VPS13D: variants seen among roughly 807,000 people sequenced by gnomAD.
The protein encoded by VPS13D is intermembrane lipid transfer protein VPS13D.
Under a neutral mutation model 461.9 loss-of-function variants are expected in VPS13D, and 187 were observed. The ratio of observed to expected loss-of-function variants is 0.40; its 90% confidence interval spans 0.36 to 0.46. The LOEUF is 0.46. VPS13D is among the 20% of genes least tolerant of loss of function. The probability of loss-of-function intolerance (pLI) is 0.60; values close to 1 mark genes in which losing one functional copy is unlikely to be tolerated. For missense variants in VPS13D, 4,711 were observed against 5,364.9 expected, an observed-to-expected ratio of 0.88 and a Z score of 3.81; for synonymous variants, 1,951 against 1,986.3, an observed-to-expected ratio of 0.98 and a Z score of 0.47.
chr1:12,257,900 G>A, intron 9 of VPS13D, 35 bp from the exon 10 acceptor site: 1 of 1,610,668 alleles, frequency 6.2e-7, no homozygotes, highest in Non-Finnish European at 8.5e-7. Context: ...TGCTTTTGTT[G>A]TAAGAAGTGA....
chr1:12,342,766 T>C, intron 41 of VPS13D, 133 bp from the exon 42 acceptor site: 1 of 1,028,054 alleles, frequency 9.7e-7, no homozygotes, highest in African/African-American at 1.6e-5. Context: ...GGTCATTCTT[T>C]GTAGCTAGGT....
chr1:12,272,310 A>G (rs374858651), intron 17 of VPS13D, among the ~76,000 whole-genome samples: 2 of 152,212 alleles, frequency 1.3e-5, no homozygotes, highest in South Asian at 4.1e-4. Context: ...AGAGTAAGTT[A>G]TAGGTGTCAG....
chr1:12,454,445 C>A (rs932292694), intron 65 of VPS13D, among the ~76,000 whole-genome samples: 2 of 152,186 alleles, frequency 1.3e-5, no homozygotes, highest in East Asian at 3.8e-4. Context: ...GAAGGCAAGG[C>A]AGAAAGCAAA....
intron 17 of VPS13D, among the ~76,000 whole-genome samples, chr1:12,271,355 C>G (rs1557676935): frequency 6.6e-6 from 1 of 152,140 alleles, no homozygotes; most frequent in Non-Finnish European, 1.5e-5. Flanking sequence ...CTCCTTGCAC[C>G]AGGATGAGGT....
At chr1:12,244,508 T>G (rs1288358376) in intron 4 of VPS13D, 29 bp from the exon 5 acceptor site, 1 of 1,613,840 alleles carries the variant, frequency 6.2e-7, no homozygotes, top group African/African-American at 1.3e-5. Context: ...AACACTAGAT[T>G]GAGCTAATGC....
chr1:12,319,958 G>A (rs1336319157), intron 32 of VPS13D, among the ~76,000 whole-genome samples: 5 of 152,164 alleles, frequency 3.3e-5, no homozygotes, highest in Admixed American at 1.3e-4. Context: ...TGCAGACCTC[G>A]TCCATGAAGG....
chr1:12,256,192 C>T, intron 7 of VPS13D, 141 bp from the exon 8 acceptor site: 6 of 948,890 alleles, frequency 6.3e-6, no homozygotes, highest in Non-Finnish European at 9.3e-6. Flanking sequence ...TGAATAAAAA[C>T]AAAACAGACA....
At chr1:12,494,451 G>A (rs1333122143) in intron 67 of VPS13D, among the ~76,000 whole-genome samples, 10 of 152,148 alleles carry the variant, frequency 6.6e-5, no homozygotes, top group African/African-American at 7.2e-5. Flanking sequence ...CTGTTTGATC[G>A]TGTGAGAAGA....
chr1:12,381,784 A>G (rs1000714648), intron 57 of VPS13D, among the ~76,000 whole-genome samples: 2 of 152,208 alleles, frequency 1.3e-5, no homozygotes, highest in Non-Finnish European at 2.9e-5. Flanking sequence ...ACCACGAGGC[A>G]TCCCTGGAGT....
chr1:12,264,101 T>C (rs1465062705), intron 13 of VPS13D, among the ~76,000 whole-genome samples: 1 of 152,236 alleles, frequency 6.6e-6, no homozygotes, highest in African/African-American at 2.4e-5. Flanking sequence ...ATGTTATTAT[T>C]GTATTTGTTT....
intron 42 of VPS13D, among the ~76,000 whole-genome samples, chr1:12,343,855 A>T (rs948173395): frequency 1.3e-5 from 2 of 152,252 alleles, no homozygotes; most frequent in African/African-American, 2.4e-5. Flanking sequence ...TGGATTGGTG[A>T]TATGGTATTC....
chr1:12,447,739 A>C (rs1177977623), intron 65 of VPS13D, among the ~76,000 whole-genome samples: 2 of 152,236 alleles, frequency 1.3e-5, no homozygotes, highest in Non-Finnish European at 2.9e-5. Flanking sequence ...CTTTGGCATT[A>C]AAGTGAATAT....
chr1:12,356,638 C>G, intron 49 of VPS13D, 114 bp downstream of exon 49: 1 of 1,372,522 alleles, frequency 7.3e-7, no homozygotes, highest in Non-Finnish European at 9.7e-7. Context: ...ACAATCCTGA[C>G]TTGGCAGGGG....
At chr1:12,382,874 G>C in intron 57 of VPS13D, 102 bp from the exon 58 acceptor site, 3 of 1,093,012 alleles carry the variant, frequency 2.7e-6, no homozygotes, top group Non-Finnish European at 4.0e-6. Context: ...TGACCCTCCA[G>C]AGGAGAATGT....
At chr1:12,294,240 T>A (rs1170752355) in intron 24 of VPS13D, among the ~76,000 whole-genome samples, 1 of 152,234 alleles carries the variant, frequency 6.6e-6, no homozygotes, top group Non-Finnish European at 1.5e-5. Flanking sequence ...TTTATTTAAT[T>A]CTTAAGTAAC....
intron 35 of VPS13D, among the ~76,000 whole-genome samples, chr1:12,326,100 A>G (rs1381658219): frequency 2.0e-5 from 3 of 150,946 alleles, no homozygotes; most frequent in South Asian, 4.2e-4. Context: ...GGCTTGTTTC[A>G]TGACATACTG....
chr1:12,314,132 G>A lies in VPS13D; in HGVS notation c.6953G>A (p.Cys2318Tyr). Residue 2318 changes from cysteine to tyrosine, a missense_variant, in exon 30 of 70, where the codon TGC becomes TAC. Transcript: ENST00000620676. ...GSLARFDFKK[C>Y]KLLYESFSNQ... ...TCTTTTAGATTTGACTTCAAGAAAT[G>A]CAAACTGCTCTATGAAAGTTTTTCC... 6.2e-7 allele frequency: 1 copy of A among 1,613,982 alleles called. No homozygotes were observed. The highest frequency in any genetic ancestry group is 8.5e-7 in the Non-Finnish European group (1 of 1,179,960).
At chr1:12,418,169 A>G (rs1038631270) in intron 65 of VPS13D, among the ~76,000 whole-genome samples, 1 of 152,206 alleles carries the variant, frequency 6.6e-6, no homozygotes, top group African/African-American at 2.4e-5. Flanking sequence ...CGGCCTTCCA[A>G]AGTGCTGGGA....
intron 60 of VPS13D, among the ~76,000 whole-genome samples, chr1:12,394,934 T>C (rs1644475394): frequency 6.6e-6 from 1 of 152,200 alleles, no homozygotes; most frequent in South Asian, 2.1e-4. Flanking sequence ...TATTATCCCA[T>C]ACCCTTAATA....
Sources: allele counts gnomAD v4.1 joint callset (sites outside exome capture counted in the v4.1 genomes callset), GRCh38; gene constraint gnomAD v4.1.1; transcripts MANE v1.5; gene names NCBI Gene and HGNC (gene_info 2026-07-23, HGNC 2026-07-21).